Variants in BFSP2 observed in about 807,000 individuals in gnomAD.
BFSP2 encodes the protein phakinin.
BFSP2 carries 38 observed loss-of-function variants against 44.9 expected under a neutral mutation model. The observed-to-expected ratio is 0.85, with a 90% confidence interval of 0.65 to 1.11. The LOEUF is 1.11. Among genes scored for constraint, BFSP2 ranks in the 50% least tolerant of loss-of-function variants. The pLI, the probability that BFSP2 is intolerant of heterozygous loss-of-function variation, is 0.00. For missense variants in BFSP2, 525 were observed against 533.0 expected (o/e 0.99, Z 0.15); for synonymous variants, 197 against 209.9 (o/e 0.94, Z 0.53).
At chr3:133,444,970 T>G (rs183419069) in intron 1 of BFSP2, among the ~76,000 whole-genome samples, 3 of 152,082 alleles carry the variant, frequency 2.0e-5, no homozygotes, top group Non-Finnish European at 4.4e-5. Flanking sequence ...AAATCTCAAC[T>G]CCTTTCCATT....
chr3:133,455,946 A>G (rs2074009276), intron 4 of BFSP2, among the ~76,000 whole-genome samples: 2 of 152,020 alleles, frequency 1.3e-5, no homozygotes, highest in South Asian at 4.2e-4. Flanking sequence ...CTTCCATTCA[A>G]TTTCCATTTG....
intron 1 of BFSP2, among the ~76,000 whole-genome samples, chr3:133,438,067 C>T (rs1018368016): frequency 1.3e-5 from 2 of 152,224 alleles, no homozygotes; most frequent in Admixed American, 6.5e-5. Context: ...ATAGTTGATA[C>T]AAGAAATAGA....
rs776554938 is a variant in BFSP2, at chr3:133,400,280, T to G, written c.197T>G (p.Ile66Arg). The part of the protein sequence containing the change: ...VYVGTAPSGC[I>R]GGLGARVTRR... ...GTAGGAACAGCACCCAGTGGGTGCA[T>G]AGGTGGCTTGGGTGCCCGTGTGACC... The change falls in exon 1 of 7, where the codon ATA becomes AGA. Residue 66 changes from isoleucine to arginine, a missense_variant. Coordinates refer to ENST00000302334, the MANE Select transcript of BFSP2 (RefSeq NM_003571.4). This position sits in a 1 kb window ranked among gnomAD's most constrained non-coding sequence, Gnocchi z 4.0. The G allele has an allele frequency of 9.9e-6, 16 of 1,613,870 alleles. No individual in the cohort carries two copies. Among genetic ancestry groups the G allele is most frequent in the Non-Finnish European group, 1.0e-5 (12 of 1,180,002 alleles).
intron 4 of BFSP2, among the ~76,000 whole-genome samples, chr3:133,461,801 T>C (rs2074066158): frequency 6.6e-6 from 1 of 152,214 alleles, no homozygotes; most frequent in Admixed American, 6.5e-5. Flanking sequence ...TACATTCTTT[T>C]GCTCTTTCAA....
intron 1 of BFSP2, among the ~76,000 whole-genome samples, chr3:133,419,933 G>A (rs1264690687): frequency 6.6e-6 from 1 of 152,268 alleles, no homozygotes; most frequent in Non-Finnish European, 1.5e-5. Flanking sequence ...CACAGGAGGT[G>A]AGCACCTGCT....
intron 1 of BFSP2, chr3:133,429,854 A>G (rs2073692216): frequency 6.6e-6 from 1 of 151,842 alleles, no homozygotes; most frequent in Non-Finnish European, 1.5e-5. Context: ...TGCTGCACCC[A>G]TTAACTCGTC....
At chr3:133,410,686 G>T in intron 1 of BFSP2, 1 of 258,302 alleles carries the variant, frequency 3.9e-6, no homozygotes, top group South Asian at 5.9e-5. Context: ...CCCGTGGGCG[G>T]ACAGGAGTCC....
In BFSP2 at chr3:133,405,741, G is replaced by A. The variant is rs371879679; in HGVS notation, c.489+5169G>A. 7.0e-4 allele frequency among the ~76,000 whole-genome samples: 107 copies of A among 152,266 alleles called. 3 individuals are homozygous for A. In the South Asian group the frequency reaches 0.019, roughly 27 times the overall value. On this transcript the variant is annotated intron_variant, in intron 1 of 6. Transcript: ENST00000302334. ...TTTGGTCAGAGCAGGCCAGTGGGGCGGTTTCTTTGTCAGCCAAGCTATAAG... is the reference window on the plus strand; with the variant it reads ...TTTGGTCAGAGCAGGCCAGTGGGGCAGTTTCTTTGTCAGCCAAGCTATAAG...
intron 4 of BFSP2, among the ~76,000 whole-genome samples, chr3:133,454,217 G>A (rs1446651591): frequency 6.6e-6 from 1 of 152,146 alleles, no homozygotes; most frequent in African/African-American, 2.4e-5. Context: ...CTATTCAGGA[G>A]GCTGAGGCAG....
intron 5 of BFSP2, among the ~76,000 whole-genome samples, chr3:133,468,975 T>C (rs1162636896): frequency 2.0e-5 from 3 of 152,236 alleles, no homozygotes; most frequent in African/African-American, 7.2e-5. Context: ...ATAAATGCCA[T>C]CTATTATTAA....
chr3:133,453,566 G>A (rs1450216010), intron 4 of BFSP2, among the ~76,000 whole-genome samples: 1 of 152,182 alleles, frequency 6.6e-6, no homozygotes, highest in Non-Finnish European at 1.5e-5. Context: ...AGACTGACGT[G>A]TAAACCAAGA....
At chr3:133,451,110 C>CAAAA (rs55964213) in intron 4 of BFSP2, among the ~76,000 whole-genome samples, 10 of 94,984 alleles carry the variant, frequency 1.1e-4, no homozygotes, top group South Asian at 3.9e-4. Flanking sequence ...GACTCTGTCT[C>CAAAA]AAAAAAAAAA....
At position 133,475,081 on chromosome 3, in the gene BFSP2, G is replaced by T. The variant is rs1261890605; in HGVS notation, c.*109G>T. On this transcript the variant is annotated 3_prime_UTR_variant, in exon 7 of 7. Coordinates refer to ENST00000302334, the MANE Select transcript of BFSP2 (RefSeq NM_003571.4). The stretch of plus-strand genomic sequence containing the variant: ...GCTCCAGTCCCTGCTGGATTCCCTG[G>T]TTAATTCAGCTTGAGCTGAAAAGCT... The T allele has an allele frequency of 5.4e-6, 8 of 1,491,472 alleles. No individual in the cohort carries two copies. Among genetic ancestry groups the T allele is most frequent in the Non-Finnish European group, 7.5e-6 (8 of 1,069,594 alleles). 92.4% of individuals were successfully genotyped at this position (1,491,472 alleles called of 1,614,324 possible). A position where few individuals can be genotyped will look rare whatever the true frequency, so the allele number is the denominator to read the frequency against.
chr3:133,422,792 A>AG (rs112610251), intron 1 of BFSP2, among the ~76,000 whole-genome samples: 118,150 of 149,922 alleles, frequency 0.79, 46,706 homozygotes, highest in Middle Eastern at 0.94. Context: ...AGGTGTTGCC[A>AG]AATAGCAGGG....
At chr3:133,471,043 G>A (rs2074157534) in intron 5 of BFSP2, among the ~76,000 whole-genome samples, 1 of 152,204 alleles carries the variant, frequency 6.6e-6, no homozygotes, top group Non-Finnish European at 1.5e-5. Flanking sequence ...TCCAAGACTG[G>A]AAGTGTTGAT....
At chr3:133,411,851 C>A (rs568498663) in intron 1 of BFSP2, among the ~76,000 whole-genome samples, 1 of 152,052 alleles carries the variant, frequency 6.6e-6, no homozygotes, top group Admixed American at 6.5e-5. Context: ...GGGAAAGAAG[C>A]AAGATGGTAA....
chr3:133,424,786 A>C (rs570587531), intron 1 of BFSP2, among the ~76,000 whole-genome samples: 7 of 152,052 alleles, frequency 4.6e-5, no homozygotes, highest in East Asian at 1.9e-4. Context: ...CAGGTGCACA[A>C]CACCACTCCC....
At chr3:133,411,132 C>A (rs2073448358) in intron 1 of BFSP2, among the ~76,000 whole-genome samples, 1 of 138,262 alleles carries the variant, frequency 7.2e-6, no homozygotes, top group Non-Finnish European at 1.5e-5. Context: ...TTATTAAGAA[C>A]ATTAACTGCA....
chr3:133,441,178 T>C (rs906976359), intron 1 of BFSP2, among the ~76,000 whole-genome samples: 1 of 152,098 alleles, frequency 6.6e-6, no homozygotes. Flanking sequence ...TAGCTGGGAT[T>C]ACAGGCACAC....
Sources: allele counts gnomAD v4.1 joint callset (sites outside exome capture counted in the v4.1 genomes callset), GRCh38; gene constraint gnomAD v4.1.1; non-coding constraint Gnocchi (gnomAD v3.1); transcripts MANE v1.5; gene names NCBI Gene and HGNC (gene_info 2026-07-23, HGNC 2026-07-21).